RBM25: variants seen among roughly 807,000 people sequenced by gnomAD.
RBM25 encodes the protein RNA binding motif protein 25.
RBM25 carries 19 observed loss-of-function variants against 120.7 expected under a neutral mutation model. That is an observed-to-expected ratio of 0.16 (90% CI 0.11 to 0.23). The LOEUF (loss-of-function observed/expected upper bound fraction) is 0.23, where lower values mean the gene tolerates loss of function less well. Ranked by LOEUF, RBM25 falls within the 10% of genes least tolerant of loss-of-function variation. The probability of loss-of-function intolerance (pLI) is 1.00; values close to 1 mark genes in which losing one functional copy is unlikely to be tolerated. For synonymous variants in RBM25, 390 were observed against 326.7 expected, an observed-to-expected ratio of 1.19 and a Z score of -2.09; for missense variants, 605 against 1,041.5, an observed-to-expected ratio of 0.58 and a Z score of 5.77.
intron 5 of RBM25, among the ~76,000 whole-genome samples, chr14:73,083,777 A>C (rs1445487219): frequency 2.0e-5 from 3 of 152,218 alleles, no homozygotes; most frequent in Admixed American, 6.5e-5. Flanking sequence ...GAAAAAATTA[A>C]AATTGCTCAA....
In RBM25 at chr14:73,075,782, G is replaced by A. The variant is rs186698555; in HGVS notation, c.107-537G>A. ...TACTAACTGTATCACCATGTTGCACGACGTGTTTTACCTTTTTTTTGGTCT... is the reference window on the plus strand; with the variant it reads ...TACTAACTGTATCACCATGTTGCACAACGTGTTTTACCTTTTTTTTGGTCT... On this transcript the variant is annotated intron_variant, in intron 2 of 18. Transcript: ENST00000261973. Among the ~76,000 whole-genome samples the A allele has an allele frequency of 1.7e-3, 259 of 151,552 alleles. 2 individuals carry two copies. The highest frequency in any genetic ancestry group is 5.7e-3 in the African/African-American group (237 of 41,376).
At chr14:73,094,012 C>A (rs1304420492) in intron 6 of RBM25, among the ~76,000 whole-genome samples, 2 of 134,694 alleles carry the variant, frequency 1.5e-5, no homozygotes, top group Non-Finnish European at 3.1e-5. Flanking sequence ...AGTGCAGTGG[C>A]GCGATCTCAG....
intron 9 of RBM25, 100 bp from the exon 10 acceptor site, chr14:73,103,092 G>A: frequency 2.6e-6 from 4 of 1,519,790 alleles, no homozygotes; most frequent in Non-Finnish European, 3.5e-6. Flanking sequence ...ATGTATCAGT[G>A]GTTTGGTGTT....
chr14:73,107,722 C>G, intron 12 of RBM25, 104 bp from the exon 13 acceptor site: 1 of 810,290 alleles, frequency 1.2e-6, no homozygotes, highest in Non-Finnish European at 2.0e-6. Flanking sequence ...CCCTCTTACT[C>G]TTGGTTTATG....
intron 13 of RBM25, 65 bp downstream of exon 13, chr14:73,107,964 C>A: frequency 1.8e-6 from 2 of 1,103,496 alleles, no homozygotes; most frequent in Non-Finnish European, 2.7e-6. Flanking sequence ...TCCATCTGCA[C>A]AGTTGATAAT....
At chr14:73,117,623 C>G (rs1378322141) in intron 18 of RBM25, among the ~76,000 whole-genome samples, 4 of 152,186 alleles carry the variant, frequency 2.6e-5, no homozygotes, top group Non-Finnish European at 4.4e-5. Context: ...CACTTAGTAC[C>G]TACTGCTATG....
intron 6 of RBM25, among the ~76,000 whole-genome samples, chr14:73,092,703 C>T (rs1187096364): frequency 4.6e-5 from 7 of 151,814 alleles, no homozygotes; most frequent in Non-Finnish European, 8.8e-5. Flanking sequence ...AGGTATATCT[C>T]CTAATCCTAT....
In RBM25 at chr14:73,080,213, C is replaced by CTTTTTTTTTTTTTTTTTTTT. The variant is rs766461418; in HGVS notation, c.324+2686_324+2705dup. Among the ~76,000 whole-genome samples, 4 of 67,196 alleles carry CTTTTTTTTTTTTTTTTTTTT rather than the reference C, an allele frequency of 6.0e-5. 1 individual carries two copies. The highest frequency in any genetic ancestry group is 1.3e-4 in the African/African-American group (2 of 15,804). The allele number at this position is 67,196 out of a possible 152,430, so 44.1% of individuals were successfully genotyped here. The stretch of plus-strand genomic sequence containing the variant: ...TGTCCGAGTTTCTATTCTTACACAT[C>CTTTTTTTTTTTTTTTTTTTT]TTTTTTTTTTTTTTTTTTTTTTTTT... On this transcript the variant is annotated intron_variant, in intron 4 of 18. Transcript: ENST00000261973.
intron 10 of RBM25, 93 bp downstream of exon 10, chr14:73,103,571 C>CTT (rs927331430): frequency 6.1e-6 from 9 of 1,483,920 alleles, no homozygotes; most frequent in Non-Finnish European, 8.0e-6. Flanking sequence ...GGAATGAGAA[C>CTT]TTTTGTGTGT....
At chr14:73,116,059 C>T (rs978342213) in intron 18 of RBM25, among the ~76,000 whole-genome samples, 2 of 151,740 alleles carry the variant, frequency 1.3e-5, no homozygotes, top group South Asian at 2.1e-4. Context: ...AGCTCATGAA[C>T]GTCCATGGAG....
intron 2 of RBM25, among the ~76,000 whole-genome samples, chr14:73,073,383 A>G (rs1015992398): frequency 2.0e-5 from 3 of 152,116 alleles, no homozygotes; most frequent in Non-Finnish European, 4.4e-5. Context: ...GAATTTGGGG[A>G]AAATCATAAT....
chr14:73,112,194 A>G lies in RBM25; in HGVS notation c.2335A>G (p.Ile779Val). Residue 779 changes from isoleucine to valine, a missense_variant, in exon 17 of 19, where the codon ATC becomes GTC. By Grantham distance (29) the Ile-to-Val change is conservative. Coordinates refer to ENST00000261973, the MANE Select transcript of RBM25 (RefSeq NM_021239.3). ...RRIRPWINKK[I>V]IEYIGEEEAT... ...AATTAGACCATGGATTAATAAGAAA[A>G]TCATAGAATATATAGGTGAAGAAGA... 6.2e-7 allele frequency: 1 copy of G among 1,608,122 alleles called. No homozygotes were observed. The highest frequency in any genetic ancestry group is 8.5e-7 in the Non-Finnish European group (1 of 1,178,714).
In RBM25 at chr14:73,123,790, A is replaced by G. The variant is rs145903873; in HGVS notation, c.*3985A>G. On this transcript the variant is annotated 3_prime_UTR_variant, in exon 19 of 19. Coordinates refer to ENST00000261973, the MANE Select transcript of RBM25 (RefSeq NM_021239.3). ...ATCTTTGCATTTCATTACTTGAGTC[A>G]TGAAGGCGAAATTAAAGAATGGCAG... 1 of 152,356 alleles carries G rather than the reference A, an allele frequency of 6.6e-6. No individual in the cohort carries two copies. The highest frequency in any genetic ancestry group is 1.9e-4 in the East Asian group (1 of 5,196). The allele number at this position is 152,356 out of a possible 1,614,324, so 9.4% of individuals were successfully genotyped here. A position where few individuals can be genotyped will look rare whatever the true frequency, so the allele number is the denominator to read the frequency against.
At chr14:73,059,507 T>C (rs370931707) in intron 1 of RBM25, 87 of 152,284 alleles carry the variant, frequency 5.7e-4, no homozygotes, top group African/African-American at 2.0e-3. Flanking sequence ...TTATGTAATA[T>C]GGATTTGTAT....
intron 1 of RBM25, among the ~76,000 whole-genome samples, chr14:73,070,491 C>G: frequency 6.6e-6 from 1 of 151,144 alleles, no homozygotes; most frequent in South Asian, 2.1e-4. Context: ...GTTGTATGTT[C>G]TCTTTATATT....
At chr14:73,112,785 GTTTTGTT>G (rs888680354) in intron 17 of RBM25, among the ~76,000 whole-genome samples, 62 of 151,524 alleles carry the variant, frequency 4.1e-4, no homozygotes, top group Middle Eastern at 3.4e-3. Context: ...GTTTTGTTTT[GTTTTGTT>G]TTTTGTTTTT....
In RBM25 at chr14:73,077,386, G is replaced by T. The variant is rs147264593; in HGVS notation, c.174G>T (p.Val58=). 113 of 1,612,770 alleles carry T rather than the reference G, an allele frequency of 7.0e-5. No homozygotes were observed. The African/African-American group carries it at 1.2e-3, about 18-fold the overall frequency. The change falls in exon 4 of 19, where the codon GTG becomes GTT. Residue 58 remains valine (V), a synonymous_variant. Transcript: ENST00000261973. ...APAPTVLVPT[V]SMVGKHLGAR... is the part of the protein sequence containing the mutation. Reference sequence around the variant, plus strand: ...CACCTTAGGTCTTAGTACCCACTGTGTCTATGGTTGGAAAGCATTTGGGCG... The same window carrying T: ...CACCTTAGGTCTTAGTACCCACTGTTTCTATGGTTGGAAAGCATTTGGGCG...
intron 4 of RBM25, among the ~76,000 whole-genome samples, chr14:73,081,903 A>G (rs1363815747): frequency 6.6e-6 from 1 of 152,136 alleles, no homozygotes; most frequent in African/African-American, 2.4e-5. Context: ...TTTAGTTCCT[A>G]ATTATGTGAA....
At chr14:73,101,675 A>G (rs936498417) in intron 9 of RBM25, 19 of 152,180 alleles carry the variant, frequency 1.2e-4, no homozygotes, top group African/African-American at 4.6e-4. Flanking sequence ...TGAAATAAGC[A>G]AGAATTAAAA....
Sources: gnomAD v4.1 joint callset for allele counts (sites outside exome capture counted in the v4.1 genomes callset) on GRCh38, gnomAD v4.1.1 for gene constraint, MANE v1.5 for transcripts, NCBI Gene and HGNC (gene_info 2026-07-23, HGNC 2026-07-21) for gene names.